The following DACH2 variants were observed in gnomAD, a reference collection of about 807,000 sequenced individuals.
DACH2 encodes dachshund family transcription factor 2, also known as dachshund homolog 2.
Under a neutral mutation model 35.8 loss-of-function variants are expected in DACH2, and 17 were observed. The observed-to-expected ratio is 0.48, with a 90% CI of 0.33 to 0.71. The LOEUF is 0.71. Ranked by LOEUF, DACH2 falls within the 30% of genes least tolerant of loss-of-function variation. The pLI is 0.02. For missense variants in DACH2, 469 were observed against 472.7 expected, an observed-to-expected ratio of 0.99 and a Z score of 0.07; for synonymous variants, 195 against 177.3, an observed-to-expected ratio of 1.10 and a Z score of -0.79.
At chrX:86,543,591 T>A (rs1186323970) in intron 3 of DACH2, among the ~76,000 whole-genome samples, 2 of 110,253 alleles carry the variant, frequency 1.8e-5, no homozygotes, top group Non-Finnish European at 3.8e-5. Context: ...CACAATAAAA[T>A]GATACAGGAG....
chrX:86,213,758 CT>C (rs943193556), intron 1 of DACH2, among the ~76,000 whole-genome samples: 2 of 110,806 alleles, frequency 1.8e-5, no homozygotes, highest in Non-Finnish European at 3.8e-5. Context: ...GATCCACAAA[CT>C]TCAGAAACAA....
chrX:86,554,578 C>A (rs60366535), intron 3 of DACH2, among the ~76,000 whole-genome samples: 1 of 111,502 alleles, frequency 9.0e-6, no homozygotes, highest in Non-Finnish European at 1.9e-5. Context: ...AGTATTTATG[C>A]TAACTTCAAT....
chrX:86,367,514 T>C (rs1169753754), intron 1 of DACH2, among the ~76,000 whole-genome samples: 1 of 111,736 alleles, frequency 8.9e-6, no homozygotes, highest in African/African-American at 3.3e-5. Flanking sequence ...TCTACCTATA[T>C]TGTAGGCAGG....
chrX:86,777,793 A>G (rs1262688202), intron 7 of DACH2, among the ~76,000 whole-genome samples: 1 of 111,427 alleles, frequency 9.0e-6, no homozygotes, highest in Non-Finnish European at 1.9e-5. Context: ...CCCTTGCCAC[A>G]TTCCTTTGAC....
At chrX:86,322,507 C>G in intron 1 of DACH2, among the ~76,000 whole-genome samples, 1 of 111,615 alleles carries the variant, frequency 9.0e-6, no homozygotes, top group Non-Finnish European at 1.9e-5. Context: ...TAATTGCCAC[C>G]CTGTGGTTGC....
At chrX:86,257,701 C>A (rs757417109) in intron 1 of DACH2, among the ~76,000 whole-genome samples, 2 of 112,354 alleles carry the variant, frequency 1.8e-5, no homozygotes, top group African/African-American at 6.5e-5. Context: ...AGCCACCACA[C>A]CTGGCCTACA....
In DACH2 at chrX:86,698,514, G is replaced by GTTTTTTTTTTTTTTTTT. The variant is rs1345238527; in HGVS notation, c.931+3339_931+3340insTTTTTTTTTTTTTTTTT. 1.5e-3 allele frequency among the ~76,000 whole-genome samples: 51 copies of GTTTTTTTTTTTTTTTTT among 34,332 alleles called. 5 individuals carry two copies. The highest frequency in any genetic ancestry group is 1.9e-3 in the Non-Finnish European group (38 of 20,261). 29.8% of individuals were successfully genotyped at this position (34,332 alleles called of 115,157 possible). A position where few individuals can be genotyped will look rare whatever the true frequency, so the allele number is the denominator to read the frequency against. On this transcript the variant is annotated intron_variant, in intron 5 of 11. Transcript: ENST00000373125. ...TTAATTTCTTCTTTTTGTTTTGTTAGTTTTGTGTTTTTTTTTTTTTTTTTT... is the reference window on the plus strand; with the variant it reads ...TTAATTTCTTCTTTTTGTTTTGTTAGTTTTTTTTTTTTTTTTTTTTTGTGTTTTTTTTTTTTTTTTTT...
chrX:86,762,844 A>G (rs1169225513), intron 7 of DACH2, among the ~76,000 whole-genome samples: 1 of 111,802 alleles, frequency 8.9e-6, no homozygotes, highest in Non-Finnish European at 1.9e-5. Flanking sequence ...TTATTTTAAA[A>G]TGTACAATTG....
intron 1 of DACH2, among the ~76,000 whole-genome samples, chrX:86,337,555 G>A (rs914702875): frequency 5.4e-5 from 6 of 111,960 alleles, no homozygotes; most frequent in African/African-American, 1.6e-4. Flanking sequence ...AAGAGCTCCT[G>A]AAAGAAGCAC....
intron 11 of DACH2, chrX:86,828,092 T>G (rs2042579245): frequency 9.3e-6 from 2 of 215,842 alleles, no homozygotes; most frequent in African/African-American, 5.8e-5. Context: ...AGAATCCTAG[T>G]GGGGTAAGTA....
At chrX:86,276,254 A>G (rs2033914398) in intron 1 of DACH2, among the ~76,000 whole-genome samples, 1 of 112,118 alleles carries the variant, frequency 8.9e-6, no homozygotes, top group Non-Finnish European at 1.9e-5. Context: ...AGATCATTGT[A>G]GTTTTGATTT....
chrX:86,169,263 T>G (rs1313392995), intron 1 of DACH2, among the ~76,000 whole-genome samples: 1 of 111,875 alleles, frequency 8.9e-6, no homozygotes, highest in Non-Finnish European at 1.9e-5. Flanking sequence ...AATAGTCTGT[T>G]GCCTGACATA....
At chrX:86,226,760 G>T (rs1471340620) in intron 1 of DACH2, among the ~76,000 whole-genome samples, 1 of 111,196 alleles carries the variant, frequency 9.0e-6, no homozygotes, top group Non-Finnish European at 1.9e-5. Context: ...TTGTATATAT[G>T]GATACCTTGT....
At chrX:86,526,126 T>C (rs182122681) in intron 3 of DACH2, among the ~76,000 whole-genome samples, 1 of 111,403 alleles carries the variant, frequency 9.0e-6, no homozygotes, top group African/African-American at 3.3e-5. Context: ...TGTACTAAAA[T>C]AACCCATTAT....
chrX:86,476,405 T>C (rs2037844440), intron 2 of DACH2, among the ~76,000 whole-genome samples: 1 of 111,864 alleles, frequency 8.9e-6, no homozygotes, highest in Non-Finnish European at 1.9e-5. Flanking sequence ...GTATACAAAT[T>C]TCACTTCTTC....
At chrX:86,486,724 A>C (rs774514711) in intron 2 of DACH2, among the ~76,000 whole-genome samples, 1 of 112,086 alleles carries the variant, frequency 8.9e-6, no homozygotes, top group Non-Finnish European at 1.9e-5. Context: ...GATAAGGGCT[A>C]CAATTCTGGT....
Position 86,378,056 on chromosome X carries a change from T to G in DACH2, c.527+1194T>G, listed in dbSNP as rs189856819. 5.5e-3 allele frequency among the ~76,000 whole-genome samples: 606 copies of G among 110,400 alleles called. 8 individuals carry two copies. Among genetic ancestry groups the G allele is most frequent in the African/African-American group, 0.019 (568 of 30,583 alleles). On this transcript the variant is annotated intron_variant, in intron 2 of 11. Transcript: ENST00000373125. Reference sequence around the variant, plus strand: ...ATGTTTTGAGTCTAGGCTTGGATATTGAAAGTGTTTCCGATTTTATATGAA... The same window carrying G: ...ATGTTTTGAGTCTAGGCTTGGATATGGAAAGTGTTTCCGATTTTATATGAA...
At chrX:86,761,721 G>T (rs1337355151) in intron 7 of DACH2, among the ~76,000 whole-genome samples, 1 of 111,401 alleles carries the variant, frequency 9.0e-6, no homozygotes, top group Non-Finnish European at 1.9e-5. Flanking sequence ...GGTGGCTTGG[G>T]GTGTGGTTGT....
chrX:86,738,941 C>T (rs1239215085), intron 6 of DACH2, among the ~76,000 whole-genome samples: 4 of 111,290 alleles, frequency 3.6e-5, no homozygotes, highest in Non-Finnish European at 7.5e-5. Flanking sequence ...GGCGTGACTT[C>T]GGCTCACTGC....
Sources: allele counts gnomAD v4.1 joint callset (sites outside exome capture counted in the v4.1 genomes callset), GRCh38; gene constraint gnomAD v4.1.1; transcripts MANE v1.5; gene names NCBI Gene and HGNC (gene_info 2026-07-23, HGNC 2026-07-21).